Variants in ZFHX4 observed in about 807,000 individuals in gnomAD.
The protein encoded by ZFHX4 is zinc finger homeobox 4, also known as zinc finger homeobox protein 4.
In ZFHX4, 56 loss-of-function variants were observed where a neutral mutation model predicts 267.6. The ratio of observed to expected loss-of-function variants is 0.21; its 90% CI spans 0.17 to 0.26. ZFHX4 has a LOEUF of 0.26. ZFHX4 is among the 10% of genes least tolerant of loss of function. ZFHX4 has a pLI of 1.00. For synonymous variants in ZFHX4, 1,778 were observed against 1,665.6 expected (o/e 1.07, Z -1.64); for missense variants, 4,332 against 4,420.0 (o/e 0.98, Z 0.56).
At chr8:76,857,949 T>C (rs1284212069) in intron 10 of ZFHX4, among the ~76,000 whole-genome samples, 1 of 152,130 alleles carries the variant, frequency 6.6e-6, no homozygotes, top group Non-Finnish European at 1.5e-5. Context: ...ATTTCTGTGA[T>C]CAGTTAAGTA....
Position 76,705,533 on chromosome 8 carries a change from T to C in ZFHX4, c.1445T>C (p.Leu482Pro). The C allele has an allele frequency of 2.5e-6, 4 of 1,613,606 alleles. No homozygotes were observed. Among genetic ancestry groups the C allele is most frequent in the South Asian group, 1.1e-5 (1 of 91,000 alleles). Residue 482 changes from leucine to proline, a missense_variant, in exon 2 of 11, where the codon CTT becomes CCT. Coordinates refer to ENST00000651372, the MANE Select transcript of ZFHX4 (RefSeq NM_024721.5). The part of the protein sequence containing the change: ...EDEEDAYSNE[L>P]DDEEVLGELT... ...GAAGAAGATGCGTACTCCAATGAAC[T>C]TGATGACGAGGAAGTATTAGGTGAA...
chr8:76,777,250 T>C (rs1029800795), intron 3 of ZFHX4, among the ~76,000 whole-genome samples: 5 of 152,214 alleles, frequency 3.3e-5, no homozygotes, highest in Admixed American at 6.5e-5. Flanking sequence ...AATAAACTAC[T>C]GTAACAGAAT....
In ZFHX4 at chr8:76,704,558, A is replaced by G; in HGVS notation, c.470A>G (p.Asn157Ser). 1.9e-6 allele frequency: 3 copies of G among 1,613,938 alleles called. No homozygotes were observed. The highest frequency in any genetic ancestry group is 2.5e-6 in the Non-Finnish European group (3 of 1,179,846). Residue 157 changes from asparagine to serine, a missense_variant, in exon 2 of 11, where the codon AAT becomes AGT. Asn to Ser is a conservative substitution (Grantham distance 46). Coordinates refer to ENST00000651372, the MANE Select transcript of ZFHX4 (RefSeq NM_024721.5). ...GGGCAGAATGCACAGACTGGGGCAA[A>G]TAGCAAACTCTTTTCTACAGCGATG... ...ESGQNAQTGA[N>S]SKLFSTAMFL...
At chr8:76,699,391 G>C (rs2131596130) in intron 1 of ZFHX4, among the ~76,000 whole-genome samples, 1 of 152,044 alleles carries the variant, frequency 6.6e-6, no homozygotes, top group African/African-American at 2.4e-5. Flanking sequence ...CTGCAGTGGA[G>C]AAAAAGTTAC....
At chr8:76,786,744 T>G (rs1456888807) in intron 4 of ZFHX4, among the ~76,000 whole-genome samples, 1 of 152,190 alleles carries the variant, frequency 6.6e-6, no homozygotes, top group Non-Finnish European at 1.5e-5. Context: ...TGAATAATTG[T>G]GTTCCCATAA....
At chr8:76,850,451 A>T in intron 9 of ZFHX4, 89 bp downstream of exon 9, 1 of 1,103,704 alleles carries the variant, frequency 9.1e-7, no homozygotes, top group South Asian at 1.6e-5. Flanking sequence ...CTATCAAAAG[A>T]TTTTCGTAAA....
At chr8:76,790,081 G>T (rs1810794267) in intron 4 of ZFHX4, among the ~76,000 whole-genome samples, 1 of 152,066 alleles carries the variant, frequency 6.6e-6, no homozygotes, top group Non-Finnish European at 1.5e-5. Context: ...ATATTGAAAA[G>T]CCTGGACAAT....
At chr8:76,681,890 G>T (rs897570352) in intron 1 of ZFHX4, among the ~76,000 whole-genome samples, 1 of 152,214 alleles carries the variant, frequency 6.6e-6, no homozygotes, top group South Asian at 2.1e-4. Context: ...AGGGAGGGAG[G>T]GGGCACTGAG....
intron 5 of ZFHX4, among the ~76,000 whole-genome samples, chr8:76,835,209 GTATATATATGTATATATATA>G (rs1406520471): frequency 2.2e-5 from 1 of 46,510 alleles, no homozygotes; most frequent in Non-Finnish European, 3.6e-5. Context: ...TTGCTTTGGT[GTATATATATGTATATATATA>G]TATATATATA....
intron 4 of ZFHX4, among the ~76,000 whole-genome samples, chr8:76,806,418 C>G (rs573418054): frequency 6.6e-6 from 1 of 152,038 alleles, no homozygotes; most frequent in South Asian, 2.1e-4. Context: ...AAGGTAGGCT[C>G]TATTATTTTT....
chr8:76,816,590 CTTTTTT>C (rs950143569), intron 4 of ZFHX4, among the ~76,000 whole-genome samples: 2 of 113,030 alleles, frequency 1.8e-5, no homozygotes, highest in African/African-American at 3.5e-5. Flanking sequence ...ATTTAAATGT[CTTTTTT>C]TTTTTTTTTT....
chr8:76,805,857 GAAA>G, intron 4 of ZFHX4, among the ~76,000 whole-genome samples: 1 of 149,260 alleles, frequency 6.7e-6, no homozygotes, highest in African/African-American at 2.5e-5. Flanking sequence ...GCCTTTAGGG[GAAA>G]AAAAAAGGTT....
intron 3 of ZFHX4, among the ~76,000 whole-genome samples, chr8:76,759,152 T>C (rs936285646): frequency 1.1e-4 from 17 of 152,200 alleles, no homozygotes; most frequent in African/African-American, 3.9e-4. Context: ...AAAATCATTA[T>C]CCTTTTTGTT....
At chr8:76,755,996 C>T (rs1809750560) in intron 3 of ZFHX4, among the ~76,000 whole-genome samples, 1 of 152,154 alleles carries the variant, frequency 6.6e-6, no homozygotes, top group Non-Finnish European at 1.5e-5. Context: ...GTAGGAGTTC[C>T]ATGTTATTCT....
intron 3 of ZFHX4, among the ~76,000 whole-genome samples, chr8:76,708,500 T>G (rs1434851938): frequency 6.6e-6 from 1 of 152,186 alleles, no homozygotes; most frequent in Non-Finnish European, 1.5e-5. Context: ...ACATAATGTT[T>G]GTTTCTTTGT....
At chr8:76,816,789 T>G (rs900890668) in intron 4 of ZFHX4, among the ~76,000 whole-genome samples, 13 of 152,020 alleles carry the variant, frequency 8.6e-5, no homozygotes, top group African/African-American at 3.1e-4. Flanking sequence ...AGAGACGTGG[T>G]TTCTCCATGT....
intron 1 of ZFHX4, among the ~76,000 whole-genome samples, chr8:76,697,046 T>A (rs10504635): frequency 0.033 from 4,980 of 152,086 alleles, 111 homozygotes; most frequent in Non-Finnish European, 0.046. Context: ...TTATGGTAGG[T>A]TTAGCCTGCA....
intron 3 of ZFHX4, among the ~76,000 whole-genome samples, chr8:76,709,228 G>A (rs1292720502): frequency 6.6e-6 from 1 of 152,036 alleles, no homozygotes; most frequent in East Asian, 1.9e-4. Context: ...CTAGATAAAT[G>A]TACTGTGCAT....
chr8:76,814,609 A>G (rs1811456897), intron 4 of ZFHX4, among the ~76,000 whole-genome samples: 1 of 152,180 alleles, frequency 6.6e-6, no homozygotes, highest in Non-Finnish European at 1.5e-5. Context: ...ATAGTTTGAT[A>G]TATACCTAAA....
Sources: gnomAD v4.1 joint callset for allele counts (sites outside exome capture counted in the v4.1 genomes callset) on GRCh38, gnomAD v4.1.1 for gene constraint, MANE v1.5 for transcripts, NCBI Gene and HGNC (gene_info 2026-07-23, HGNC 2026-07-21) for gene names.